Variants in PARPBP observed in about 807,000 individuals in gnomAD.
The protein encoded by PARPBP is PCNA-interacting partner.
A neutral mutation model predicts 50.0 loss-of-function variants in PARPBP; 52 were observed. The ratio of observed to expected loss-of-function variants is 1.04; its 90% CI spans 0.83 to 1.31. PARPBP has a LOEUF of 1.31. Ranked by LOEUF, PARPBP falls within the 50% of genes most tolerant of loss-of-function variation. PARPBP has a pLI of 0.00. For missense variants in PARPBP, 697 were observed against 672.0 expected, an observed-to-expected ratio of 1.04 and a Z score of -0.41; for synonymous variants, 244 against 232.1, an observed-to-expected ratio of 1.05 and a Z score of -0.47.
Position 102,165,817 on chromosome 12 carries a change from G to C in PARPBP, c.755G>C (p.Gly252Ala). 1.3e-6 allele frequency: 2 copies of C among 1,586,022 alleles called. No homozygotes were observed. The highest frequency in any genetic ancestry group is 1.7e-6 in the Non-Finnish European group (2 of 1,155,088). Residue 252 changes from glycine (G) to alanine (A), a missense_variant, in exon 6 of 11, where the codon GGA (glycine) becomes GCA (alanine). Gly to Ala is a moderately conservative substitution (Grantham distance 60). Coordinates refer to ENST00000327680, the MANE Select transcript of PARPBP (RefSeq NM_017915.5). ...GATCCTTTAAGGACACATGTAAAGG[G>C]ATTGTCTAATTTTATTAATTTCATT... ...PSDPLRTHVK[G>A]LSNFINFIDK... is the part of the protein sequence containing the mutation.
chr12:102,132,491 C>A (rs1428065589), intron 2 of PARPBP, among the ~76,000 whole-genome samples: 9 of 152,064 alleles, frequency 5.9e-5, no homozygotes, highest in Non-Finnish European at 1.2e-4. Flanking sequence ...TCTTGGTTCT[C>A]AATTCTGTTC....
chr12:102,144,233 A>T (rs976410836), intron 2 of PARPBP, among the ~76,000 whole-genome samples: 32 of 152,250 alleles, frequency 2.1e-4, no homozygotes, highest in African/African-American at 6.5e-4. Context: ...ATTTTGAGTT[A>T]TTAGAAAAAT....
intron 2 of PARPBP, among the ~76,000 whole-genome samples, chr12:102,132,154 G>A (rs1173404356): frequency 6.6e-6 from 1 of 151,466 alleles, no homozygotes; most frequent in Non-Finnish European, 1.5e-5. Flanking sequence ...GCAGTAAGCT[G>A]AAGTCACGCC....
intron 2 of PARPBP, among the ~76,000 whole-genome samples, chr12:102,145,908 T>C (rs911106543): frequency 6.6e-6 from 1 of 152,190 alleles, no homozygotes; most frequent in Non-Finnish European, 1.5e-5. Flanking sequence ...AAGCAATGGC[T>C]CAAGGTTTTA....
chr12:102,192,361 G>C (rs1360420220), intron 9 of PARPBP, among the ~76,000 whole-genome samples: 1 of 152,020 alleles, frequency 6.6e-6, no homozygotes, highest in African/African-American at 2.4e-5. Flanking sequence ...ATAAGTGAGA[G>C]GTATAATGGT....
At chr12:102,142,858 G>A (rs369930332) in intron 2 of PARPBP, among the ~76,000 whole-genome samples, 15 of 152,288 alleles carry the variant, frequency 9.8e-5, no homozygotes, top group South Asian at 6.2e-4. Context: ...TGGAAGTTTC[G>A]TCTCAGAGGG....
In PARPBP at chr12:102,197,335, A is replaced by G. The variant is rs1358683529; in HGVS notation, c.*1044A>G. ...TTTATAGGAGAAAAAACACTTTCAG[A>G]TAAGAGGTGTTTGCTGGGATGGAAG... is the stretch of plus-strand genomic sequence containing the variant. On this transcript the variant is annotated 3_prime_UTR_variant, in exon 11 of 11. Transcript: ENST00000327680. 3.7e-6 allele frequency: 3 copies of G among 814,578 alleles called. No homozygotes were observed. In the African/African-American group the frequency reaches 5.2e-5, roughly 14 times the overall value. 50.5% of individuals were successfully genotyped at this position (814,578 alleles called of 1,614,324 possible). A position where few individuals can be genotyped will look rare whatever the true frequency, so the allele number is the denominator to read the frequency against.
In PARPBP at chr12:102,155,601, G is replaced by C. The variant is rs545504008; in HGVS notation, c.495+1625G>C. Among the ~76,000 whole-genome samples, 20 of 123,560 alleles carry C rather than the reference G, an allele frequency of 1.6e-4. 2 individuals are homozygous for C. The highest frequency in any genetic ancestry group is 2.0e-4 in the Non-Finnish European group (12 of 58,904). 81.1% of individuals were successfully genotyped at this position (123,560 alleles called of 152,430 possible). A position where few individuals can be genotyped will look rare whatever the true frequency, so the allele number is the denominator to read the frequency against. ...TATCGCCTGAGAGCATGGTGGGGGG[G>C]GGGGGCGGGGACAATGATTGGAATA... On this transcript the variant is annotated intron_variant, in intron 4 of 10. Coordinates refer to ENST00000327680, the MANE Select transcript of PARPBP (RefSeq NM_017915.5).
chr12:102,144,832 A>C (rs1885141680), intron 2 of PARPBP, among the ~76,000 whole-genome samples: 2 of 152,140 alleles, frequency 1.3e-5, no homozygotes, highest in Non-Finnish European at 2.9e-5. Flanking sequence ...TTGGGGAGTA[A>C]GTGTACAGTT....
chr12:102,125,003 T>A (rs1031438125), intron 2 of PARPBP, among the ~76,000 whole-genome samples: 1 of 152,200 alleles, frequency 6.6e-6, no homozygotes, highest in Non-Finnish European at 1.5e-5. Flanking sequence ...AAGTATAAAA[T>A]CTTAAAACAG....
chr12:102,173,368 A>G (rs1407265955), intron 6 of PARPBP, among the ~76,000 whole-genome samples: 1 of 152,228 alleles, frequency 6.6e-6, no homozygotes, highest in African/African-American at 2.4e-5. Context: ...TCTTTTCAAC[A>G]TAGCATGAGA....
chr12:102,177,756 A>AT (rs1555221490), intron 7 of PARPBP, among the ~76,000 whole-genome samples: 2 of 152,114 alleles, frequency 1.3e-5, no homozygotes, highest in Non-Finnish European at 2.9e-5. Flanking sequence ...GAAGCAAGAG[A>AT]TTTTTCCTCT....
chr12:102,153,158 C>T (rs1229181387), intron 3 of PARPBP, among the ~76,000 whole-genome samples: 1 of 152,146 alleles, frequency 6.6e-6, no homozygotes, highest in African/African-American at 2.4e-5. Context: ...TACCCAGAAG[C>T]AATTCAGCAT....
rs765908375 is a variant in PARPBP at position 102,148,274 on chromosome 12, A to C, written c.198A>C (p.Thr66=). ...TCTCTCTCAGTGATGTTTTATTGAC[A>C]TGGAAATACTTGCTCCATGAGAAAT... The part of the protein sequence containing the change: ...FTVSLSDVLL[T]WKYLLHEKLN... The change falls in exon 3 of 11, where the codon ACA becomes ACC. Residue 66 remains threonine, a synonymous_variant. Transcript: ENST00000327680. 2 of 1,604,850 alleles carry C rather than the reference A, an allele frequency of 1.2e-6. No individual in the cohort carries two copies. The highest frequency in any genetic ancestry group is 2.7e-5 in the African/African-American group (2 of 74,508).
At chr12:102,195,523 A>G (rs956259119) in intron 10 of PARPBP, 76 bp downstream of exon 10, 3 of 1,223,264 alleles carry the variant, frequency 2.5e-6, no homozygotes, top group Non-Finnish European at 3.5e-6. Context: ...AAGTAAAATT[A>G]GGTTATTTTT....
At chr12:102,194,092 T>C (rs1373570798) in intron 9 of PARPBP, among the ~76,000 whole-genome samples, 8 of 152,014 alleles carry the variant, frequency 5.3e-5, no homozygotes. Context: ...ATGAAGCAGC[T>C]GGACAGACGA....
intron 1 of PARPBP, among the ~76,000 whole-genome samples, chr12:102,123,362 C>T (rs1347545161): frequency 1.3e-5 from 2 of 152,128 alleles, no homozygotes; most frequent in African/African-American, 2.4e-5. Context: ...GGCCTAAGCT[C>T]AGAACTCCCA....
chr12:102,149,470 C>T (rs1885901605), intron 3 of PARPBP, among the ~76,000 whole-genome samples: 1 of 152,174 alleles, frequency 6.6e-6, no homozygotes, highest in African/African-American at 2.4e-5. Context: ...TGTTGGAGCT[C>T]CAGCCATTAT....
intron 4 of PARPBP, among the ~76,000 whole-genome samples, chr12:102,155,594 T>TA (rs1555216733): frequency 2.5e-5 from 1 of 40,452 alleles, no homozygotes; most frequent in African/African-American, 7.8e-5. Context: ...GAGAGCATGG[T>TA]GGGGGGGGGG....
Sources: gnomAD v4.1 joint callset for allele counts (sites outside exome capture counted in the v4.1 genomes callset) on GRCh38, gnomAD v4.1.1 for gene constraint, MANE v1.5 for transcripts, NCBI Gene and HGNC (gene_info 2026-07-23, HGNC 2026-07-21) for gene names.